The following DCHS2 variants were observed in gnomAD, a reference collection of about 807,000 sequenced individuals.
The protein encoded by DCHS2 is protocadherin-23.
Under a neutral mutation model 182.4 loss-of-function variants are expected in DCHS2, and 142 were observed. The ratio of observed to expected loss-of-function variants is 0.78; its 90% CI spans 0.68 to 0.89. DCHS2 has a LOEUF of 0.89. Ranked by LOEUF, DCHS2 falls within the 40% of genes least tolerant of loss-of-function variation. The pLI is 0.00. For synonymous variants in DCHS2, 1,740 were observed against 1,663.3 expected, an observed-to-expected ratio of 1.05 and a Z score of -1.12; for missense variants, 4,319 against 4,198.6, an observed-to-expected ratio of 1.03 and a Z score of -0.79.
intron 10 of DCHS2, among the ~76,000 whole-genome samples, chr4:154,311,142 G>C (rs904922069): frequency 1.3e-5 from 2 of 152,116 alleles, no homozygotes; most frequent in Admixed American, 1.3e-4. Context: ...AAGCTAAAAG[G>C]GATAAAATTT....
chr4:154,234,340 T>C lies in DCHS2; in HGVS notation c.*196A>G, dbSNP rs1326048455. The C allele has an allele frequency of 2.5e-5, 18 of 713,750 alleles. No homozygotes were observed. Among genetic ancestry groups the C allele is most frequent in the Non-Finnish European group, 3.3e-5 (15 of 458,694 alleles). 44.2% of individuals were successfully genotyped at this position (713,750 alleles called of 1,614,324 possible). On this transcript the variant is annotated 3_prime_UTR_variant, in exon 20 of 20. Coordinates refer to ENST00000357232, the MANE Select transcript of DCHS2 (RefSeq NM_001358235.2). Reference sequence around the variant, plus strand: ...GAGTCCTGAGAGCAACACATAAGGATTAAAAGAGGAAATAACTTTTCATTA... The same window carrying C: ...GAGTCCTGAGAGCAACACATAAGGACTAAAAGAGGAAATAACTTTTCATTA...
At chr4:154,433,806 C>G (rs1733665296) in intron 1 of DCHS2, among the ~76,000 whole-genome samples, 1 of 152,174 alleles carries the variant, frequency 6.6e-6, no homozygotes, top group South Asian at 2.1e-4. Flanking sequence ...CTCACTGGCT[C>G]CAGGCCACCT....
At chr4:154,312,572 T>G (rs1483666625) in intron 10 of DCHS2, among the ~76,000 whole-genome samples, 1 of 151,882 alleles carries the variant, frequency 6.6e-6, no homozygotes, top group Non-Finnish European at 1.5e-5. Context: ...CACAAATAAA[T>G]AAAAATAAAG....
chr4:154,412,811 C>G (rs1732685794), intron 1 of DCHS2, among the ~76,000 whole-genome samples: 1 of 152,050 alleles, frequency 6.6e-6, no homozygotes, highest in African/African-American at 2.4e-5. Context: ...ACTGAAAAAC[C>G]CTGTGGAATG....
chr4:154,479,130 C>T (rs1015406823), intron 1 of DCHS2, among the ~76,000 whole-genome samples: 1 of 151,910 alleles, frequency 6.6e-6, no homozygotes, highest in African/African-American at 2.4e-5. Flanking sequence ...GAAACAGAAA[C>T]TATGAGACAG....
chr4:154,457,784 CT>C (rs1244638041), intron 1 of DCHS2, among the ~76,000 whole-genome samples: 1 of 152,156 alleles, frequency 6.6e-6, no homozygotes, highest in Non-Finnish European at 1.5e-5. Context: ...CCGCCTCTTT[CT>C]ACTGCCAGTT....
chr4:154,310,969 T>G (rs552956116), intron 10 of DCHS2, among the ~76,000 whole-genome samples: 1 of 152,306 alleles, frequency 6.6e-6, no homozygotes, highest in Admixed American at 6.5e-5. Flanking sequence ...ATGGCTGCTG[T>G]CTTGCTATAG....
intron 12 of DCHS2, among the ~76,000 whole-genome samples, chr4:154,300,537 G>C (rs558440018): frequency 1.4e-5 from 2 of 143,318 alleles, no homozygotes; most frequent in Non-Finnish European, 3.0e-5. Context: ...AAGTTTTTAA[G>C]TTATTCAGGC....
chr4:154,491,633 T>TTC lies in DCHS2; in HGVS notation c.-280_-279dup, dbSNP rs1433204525. 7.7e-7 allele frequency: 1 copy of TTC among 1,305,768 alleles called. No individual in the cohort carries two copies. Among genetic ancestry groups the TTC allele is most frequent in the African/African-American group, 1.5e-5 (1 of 65,534 alleles). The allele number at this position is 1,305,768 out of a possible 1,614,324, so 80.9% of individuals were successfully genotyped here. Reference sequence around the variant, plus strand: ...TTCTTTAAACGAATCTCATCTCTTTTTCTCTCTCCTTTTATTCCCTTTACA... The same window carrying TTC: ...TTCTTTAAACGAATCTCATCTCTTTTTCTCTCTCTCCTTTTATTCCCTTTACA... On this transcript the variant is annotated 5_prime_UTR_variant, in exon 1 of 20. It removes the in-frame stop codon of an upstream open reading frame in the 5' UTR. Transcript: ENST00000357232.
intron 10 of DCHS2, among the ~76,000 whole-genome samples, chr4:154,307,266 C>T (rs1172968700): frequency 1.3e-5 from 2 of 152,168 alleles, no homozygotes; most frequent in Non-Finnish European, 2.9e-5. Context: ...GTTATTTGGC[C>T]TCATTCTATC....
intron 14 of DCHS2, among the ~76,000 whole-genome samples, chr4:154,264,020 C>G (rs938231541): frequency 2.0e-5 from 3 of 151,910 alleles, no homozygotes; most frequent in African/African-American, 7.3e-5. Flanking sequence ...TTAGTTTAAG[C>G]CTGAATTTAT....
At chr4:154,329,194 T>G (rs1428777813) in intron 6 of DCHS2, among the ~76,000 whole-genome samples, 1 of 152,156 alleles carries the variant, frequency 6.6e-6, no homozygotes, top group African/African-American at 2.4e-5. Flanking sequence ...GTTAAGAAGC[T>G]CTGCACAAAG....
At chr4:154,352,000 G>A (rs1205431071) in intron 3 of DCHS2, among the ~76,000 whole-genome samples, 1 of 151,942 alleles carries the variant, frequency 6.6e-6, no homozygotes, top group Non-Finnish European at 1.5e-5. Flanking sequence ...ATAGCTAGGT[G>A]CATTCAACTC....
intron 1 of DCHS2, among the ~76,000 whole-genome samples, chr4:154,477,821 C>A (rs902017798): frequency 6.6e-6 from 1 of 152,132 alleles, no homozygotes; most frequent in Admixed American, 6.5e-5. Flanking sequence ...CTAGGTGGTT[C>A]TTATCATGTG....
intron 17 of DCHS2, among the ~76,000 whole-genome samples, chr4:154,241,500 C>T (rs1270282043): frequency 6.6e-6 from 1 of 152,114 alleles, no homozygotes; most frequent in Admixed American, 6.6e-5. Flanking sequence ...GTTCTGTAGC[C>T]TAAACAGCCC....
intron 4 of DCHS2, 132 bp from the exon 5 acceptor site, chr4:154,333,626 G>C: frequency 2.3e-6 from 2 of 855,860 alleles, no homozygotes; most frequent in Non-Finnish European, 3.5e-6. Context: ...CATATACTAT[G>C]ATGGTTCCGT....
chr4:154,327,347 C>T (rs1226777159), intron 7 of DCHS2, among the ~76,000 whole-genome samples: 1 of 152,074 alleles, frequency 6.6e-6, no homozygotes, highest in Non-Finnish European at 1.5e-5. Flanking sequence ...TTTAAAAATA[C>T]CAGTGAGTTT....
At chr4:154,298,871 T>C in intron 12 of DCHS2, 163 bp from the exon 13 acceptor site, 1 of 1,055,058 alleles carries the variant, frequency 9.5e-7, no homozygotes, top group East Asian at 2.7e-5. Context: ...ACAGTAAGCA[T>C]GATAAAGGCT....
intron 1 of DCHS2, among the ~76,000 whole-genome samples, chr4:154,482,829 C>T (rs967162945): frequency 1.3e-5 from 2 of 152,050 alleles, no homozygotes; most frequent in African/African-American, 2.4e-5. Context: ...TACAGAAAGC[C>T]TCATGGTGGC....
Sources: allele counts gnomAD v4.1 joint callset (sites outside exome capture counted in the v4.1 genomes callset), GRCh38; gene constraint gnomAD v4.1.1; transcripts MANE v1.5; gene names NCBI Gene and HGNC (gene_info 2026-07-23, HGNC 2026-07-21).